Variants in CCM2 observed in about 807,000 individuals in gnomAD.
The protein encoded by CCM2 is cerebral cavernous malformations 2 protein.
A neutral mutation model predicts 44.9 loss-of-function variants in CCM2; 25 were observed. The ratio of observed to expected loss-of-function variants is 0.56; its 90% CI spans 0.41 to 0.78. The LOEUF (loss-of-function observed/expected upper bound fraction) is 0.78. CCM2 is among the 30% of genes least tolerant of loss of function. The pLI is 0.00. For missense variants in CCM2, 481 were observed against 580.6 expected, an observed-to-expected ratio of 0.83 and a Z score of 1.76; for synonymous variants, 219 against 241.1, an observed-to-expected ratio of 0.91 and a Z score of 0.85.
At chr7:45,040,330 T>G (rs1156541543) in intron 2 of CCM2, among the ~76,000 whole-genome samples, 1 of 151,404 alleles carries the variant, frequency 6.6e-6, no homozygotes, top group East Asian at 1.9e-4. Flanking sequence ...CTTGCAGTGA[T>G]CCCAGATTGT....
intron 1 of CCM2, among the ~76,000 whole-genome samples, chr7:45,014,243 G>T (rs776891553): frequency 2.6e-5 from 4 of 152,004 alleles, no homozygotes; most frequent in Non-Finnish European, 5.9e-5. Context: ...AGGTTCAAGC[G>T]ATTCTTCTGC....
chr7:45,039,626 G>A (rs566827576), intron 2 of CCM2, among the ~76,000 whole-genome samples: 1 of 152,346 alleles, frequency 6.6e-6, no homozygotes, highest in South Asian at 2.1e-4. Context: ...GGGAAGAAAT[G>A]TAAAAGTATA....
chr7:45,067,623 C>T (rs1798846901), intron 4 of CCM2: 1 of 152,348 alleles, frequency 6.6e-6, no homozygotes, highest in African/African-American at 2.4e-5. Context: ...AATGTGGGCT[C>T]ATCACATTTT....
At position 45,073,447 on chromosome 7, in the gene CCM2, C is replaced by A. The variant is rs762364612; in HGVS notation, c.804-13C>A. Reference sequence around the variant, plus strand: ...GGGGAAGCCACCCGCTCACATACCACATTCTTTCGCAGCTGCTTCCCTGAA... The same window carrying A: ...GGGGAAGCCACCCGCTCACATACCAAATTCTTTCGCAGCTGCTTCCCTGAA... On this transcript the variant is annotated splice_polypyrimidine_tract_variant and intron_variant, in intron 7 of 9. Coordinates refer to ENST00000258781, the MANE Select transcript of CCM2 (RefSeq NM_031443.4). The A allele has an allele frequency of 1.2e-6, 2 of 1,605,434 alleles. No homozygotes were observed. The highest frequency in any genetic ancestry group is 3.3e-4 in the Middle Eastern group (2 of 6,040).
intron 1 of CCM2, among the ~76,000 whole-genome samples, chr7:45,029,083 C>T (rs146348477): frequency 4.6e-5 from 7 of 152,316 alleles, no homozygotes; most frequent in Non-Finnish European, 1.0e-4. Context: ...CTCTTCCAGT[C>T]ATTTTCCCTC....
chr7:45,021,509 A>C (rs1291269671), intron 1 of CCM2, among the ~76,000 whole-genome samples: 1 of 151,722 alleles, frequency 6.6e-6, no homozygotes, highest in Non-Finnish European at 1.5e-5. Context: ...AGTTGCAGTG[A>C]GCTGAGATCG....
At chr7:45,043,780 C>A (rs561801357) in intron 2 of CCM2, 1 of 377,838 alleles carries the variant, frequency 2.6e-6, no homozygotes, top group African/African-American at 2.2e-5. Context: ...TTTTCCTATT[C>A]TTTACTCTTC....
chr7:45,008,598 G>A (rs1795942194), intron 1 of CCM2, among the ~76,000 whole-genome samples: 1 of 150,708 alleles, frequency 6.6e-6, no homozygotes, highest in East Asian at 2.0e-4. Flanking sequence ...CCAACCTCAG[G>A]TGATCCACCT....
intron 6 of CCM2, chr7:45,071,462 C>T (rs1799068650): frequency 2.0e-5 from 5 of 248,094 alleles, no homozygotes; most frequent in Admixed American, 5.2e-5. Flanking sequence ...CAGATGTGCA[C>T]ACGTTACGCA....
chr7:45,041,733 G>T (rs1797510951), intron 2 of CCM2, among the ~76,000 whole-genome samples: 1 of 152,216 alleles, frequency 6.6e-6, no homozygotes, highest in Non-Finnish European at 1.5e-5. Context: ...AAGTTGAATA[G>T]GGACCATGGA....
chr7:45,031,488 CT>C (rs1164918188), intron 1 of CCM2, among the ~76,000 whole-genome samples: 1 of 151,876 alleles, frequency 6.6e-6, no homozygotes, highest in Non-Finnish European at 1.5e-5. Flanking sequence ...AAGTGATTCT[CT>C]CCCCCCAGTC....
Position 45,074,083 on chromosome 7 carries a change from G to T in CCM2, c.916-187G>T, listed in dbSNP as rs557262641. The stretch of plus-strand genomic sequence containing the variant: ...TGCCCGGGTGCCTTGGTCTCCTCTG[G>T]GTGGCCCCGTGCCAGGTCTGGTAGG... On this transcript the variant is annotated intron_variant, in intron 8 of 9. Transcript: ENST00000258781. 2.6e-4 allele frequency: 353 copies of T among 1,335,420 alleles called. 1 individual carries two copies. In the African/African-American group the frequency reaches 4.8e-3, roughly 18 times the overall value. 82.7% of individuals were successfully genotyped at this position (1,335,420 alleles called of 1,614,324 possible).
chr7:45,061,938 TG>T (rs1429738832), intron 2 of CCM2, among the ~76,000 whole-genome samples: 5 of 152,218 alleles, frequency 3.3e-5, no homozygotes, highest in African/African-American at 1.2e-4. Flanking sequence ...CTGGAGTTTT[TG>T]TCTCCTACTG....
intron 2 of CCM2, among the ~76,000 whole-genome samples, chr7:45,059,419 A>T (rs1466708431): frequency 1.4e-5 from 2 of 139,502 alleles, no homozygotes; most frequent in East Asian, 4.1e-4. Context: ...CCTGTCTGTT[A>T]AAAAAAAAAA....
At chr7:45,029,970 G>C (rs1796882706) in intron 1 of CCM2, among the ~76,000 whole-genome samples, 1 of 152,212 alleles carries the variant, frequency 6.6e-6, no homozygotes, top group African/African-American at 2.4e-5. Context: ...GTTCTGTATA[G>C]TTATCTGAGG....
intron 2 of CCM2, among the ~76,000 whole-genome samples, chr7:45,046,107 G>A (rs1250213500): frequency 6.6e-6 from 1 of 152,092 alleles, no homozygotes; most frequent in Non-Finnish European, 1.5e-5. Flanking sequence ...ACTACTACAA[G>A]TCATCCAATA....
chr7:45,071,949 G>A (rs770287725), intron 6 of CCM2: 6 of 436,882 alleles, frequency 1.4e-5, no homozygotes, highest in Non-Finnish European at 2.8e-5. Context: ...GGATGTGGAC[G>A]TCTTTGGGGG....
In CCM2 at chr7:45,014,978, C is replaced by T. The variant is rs78907349; in HGVS notation, c.30+14615C>T. Among the ~76,000 whole-genome samples, 992 of 152,250 alleles carry T rather than the reference C, an allele frequency of 6.5e-3. 17 individuals are homozygous for T. Among genetic ancestry groups the T allele is most frequent in the African/African-American group, 0.023 (935 of 41,538 alleles). ...TAGCACCAAGAATATTCATGTTGTG[C>T]ATCTGGCATCTTTTTGACAAGCCCT... is the stretch of plus-strand genomic sequence containing the variant. On this transcript the variant is annotated intron_variant, in intron 1 of 9. Transcript: ENST00000258781.
chr7:45,072,079 C>T (rs148597742), intron 6 of CCM2: 13 of 352,852 alleles, frequency 3.7e-5, no homozygotes, highest in African/African-American at 1.1e-4. Flanking sequence ...TCACCTGCCT[C>T]GCTCACAAAG....
Sources: allele counts gnomAD v4.1 joint callset (sites outside exome capture counted in the v4.1 genomes callset), GRCh38; gene constraint gnomAD v4.1.1; transcripts MANE v1.5; gene names NCBI Gene and HGNC (gene_info 2026-07-23, HGNC 2026-07-21).